UBN1: variants seen among roughly 807,000 people sequenced by gnomAD.
The protein encoded by UBN1 is ubinuclein-1.
UBN1 carries 17 observed loss-of-function variants against 108.5 expected under a neutral mutation model. The ratio of observed to expected loss-of-function variants is 0.16; its 90% CI spans 0.11 to 0.24. The LOEUF (loss-of-function observed/expected upper bound fraction) is 0.24. UBN1 is among the 10% of genes least tolerant of loss of function. The probability of loss-of-function intolerance (pLI) is 1.00; values close to 1 mark genes in which losing one functional copy is unlikely to be tolerated. For missense variants in UBN1, 1,595 were observed against 1,394.4 expected (o/e 1.14, Z -2.29); for synonymous variants, 726 against 564.2 (o/e 1.29, Z -4.07).
chr16:4,848,400 T>A (rs1464457250), intron 1 of UBN1, 190 bp downstream of exon 1: 1 of 152,296 alleles, frequency 6.6e-6, no homozygotes, highest in African/African-American at 2.4e-5. Context: ...CCAGGTAGAA[T>A]CACAATTTTG....
chr16:4,877,413 G>C lies in UBN1; in HGVS notation c.3294G>C (p.Pro1098=), dbSNP rs139134793. The part of the protein sequence containing the change: ...HSLLAGLHSS[P]PHAAPLPHAA... ...TTCTGGCTGGCTTGCACTCCAGCCC[G>C]CCCCATGCAGCGCCTCTCCCACACG... Residue 1098 remains proline, a synonymous_variant, in exon 17 of 18, where the codon CCG becomes CCC. Coordinates refer to ENST00000262376, the MANE Select transcript of UBN1 (RefSeq NM_001079514.3). The surrounding 1 kb of genome is among the most constrained non-coding windows in gnomAD (Gnocchi z 4.3). 7 of 1,612,160 alleles carry C rather than the reference G, an allele frequency of 4.3e-6. No individual in the cohort carries two copies. The South Asian group carries it at 7.7e-5, about 18-fold the overall frequency.
At position 4,877,235 on chromosome 16, in the gene UBN1, G is replaced by A. The variant is rs2087925738; in HGVS notation, c.3265+124G>A. 6.6e-7 allele frequency: 1 copy of A among 1,514,818 alleles called. No individual in the cohort carries two copies. Among genetic ancestry groups the A allele is most frequent in the East Asian group, 2.3e-5 (1 of 43,946 alleles). 93.8% of individuals were successfully genotyped at this position (1,514,818 alleles called of 1,614,324 possible). On this transcript the variant is annotated intron_variant, in intron 16 of 17. Coordinates refer to ENST00000262376, the MANE Select transcript of UBN1 (RefSeq NM_001079514.3). The surrounding 1 kb of genome is among the most constrained non-coding windows in gnomAD (Gnocchi z 4.3). The stretch of plus-strand genomic sequence containing the variant: ...GTGTGACTGTGGGGAACATCTCCGG[G>A]AACTGTGCCAAGCCCCCACTGCCCC...
At chr16:4,853,221 A>T in intron 2 of UBN1, 55 bp downstream of exon 2, 2 of 1,589,420 alleles carry the variant, frequency 1.3e-6, no homozygotes, top group East Asian at 4.5e-5. Context: ...GGGTCAGTGC[A>T]TGCATGTGGG....
chr16:4,873,506 C>T (rs2087737484), intron 14 of UBN1, among the ~76,000 whole-genome samples: 1 of 152,196 alleles, frequency 6.6e-6, no homozygotes, highest in Non-Finnish European at 1.5e-5. Flanking sequence ...AGAATAGACA[C>T]TGTGAAAATT....
chr16:4,849,211 A>C (rs2086396462), intron 1 of UBN1, among the ~76,000 whole-genome samples: 1 of 152,254 alleles, frequency 6.6e-6, no homozygotes, highest in Non-Finnish European at 1.5e-5. Flanking sequence ...CTATTAGATA[A>C]TAAGAATATA....
chr16:4,853,232 G>T (rs1386870243), intron 2 of UBN1, 66 bp downstream of exon 2: 4 of 1,565,640 alleles, frequency 2.6e-6, no homozygotes, highest in South Asian at 1.2e-5. Flanking sequence ...TGCATGTGGG[G>T]CTTCCGTAGC....
intron 7 of UBN1, among the ~76,000 whole-genome samples, chr16:4,863,924 A>G (rs188397255): frequency 6.6e-6 from 1 of 152,268 alleles, no homozygotes; most frequent in Non-Finnish European, 1.5e-5. Flanking sequence ...CTTAGAGGCT[A>G]TGTGTATCAC....
At chr16:4,864,075 CTTTTTTTT>C (rs796516323) in intron 7 of UBN1, among the ~76,000 whole-genome samples, 2 of 86,430 alleles carry the variant, frequency 2.3e-5, no homozygotes, top group Admixed American at 1.5e-4. Flanking sequence ...TTGTTGTTGC[CTTTTTTTT>C]TTTTTTTTTT....
chr16:4,877,275 C>G lies in UBN1; in HGVS notation c.3266-110C>G, dbSNP rs1242810200. ...CCCACTGCCCCTTTGGGTGTGGTGC[C>G]CAGACTGGCCTGGCAGGTTATCGGG... On this transcript the variant is annotated intron_variant, in intron 16 of 17. Transcript: ENST00000262376. This position sits in a 1 kb window ranked among gnomAD's most constrained non-coding sequence, Gnocchi z 4.3. The G allele has an allele frequency of 7.9e-6, 12 of 1,522,600 alleles. No individual in the cohort carries two copies. The highest frequency in any genetic ancestry group is 1.4e-5 in the African/African-American group (1 of 72,630). 94.3% of individuals were successfully genotyped at this position (1,522,600 alleles called of 1,614,324 possible). A position where few individuals can be genotyped will look rare whatever the true frequency, so the allele number is the denominator to read the frequency against.
chr16:4,872,863 C>A, intron 12 of UBN1, 21 bp from the exon 13 acceptor site: 1 of 1,614,164 alleles, frequency 6.2e-7, no homozygotes, highest in South Asian at 1.1e-5. Flanking sequence ...GTACAGATGC[C>A]TGGTGTTCTG....
At chr16:4,868,763 G>C (rs2087460013) in intron 7 of UBN1, 70 bp from the exon 8 acceptor site, 25 of 1,497,818 alleles carry the variant, frequency 1.7e-5, no homozygotes, top group Non-Finnish European at 2.1e-5. Flanking sequence ...TGACTCCTGT[G>C]CCTGTGGGTG....
Position 4,871,142 on chromosome 16 carries a change from G to T in UBN1, c.1560-13G>T. The T allele has an allele frequency of 6.2e-7, 1 of 1,613,532 alleles. No homozygotes were observed. Among genetic ancestry groups the T allele is most frequent in the South Asian group, 1.1e-5 (1 of 91,016 alleles). ...AAGTAGTTTGGAGTTTCTGATTTCT[G>T]CCTCCTTCTCAGGGAGCTACTGTGC... On this transcript the variant is annotated splice_polypyrimidine_tract_variant and intron_variant, in intron 11 of 17. Transcript: ENST00000262376.
At chr16:4,857,496 C>G (rs1382594144) in intron 2 of UBN1, among the ~76,000 whole-genome samples, 1 of 151,768 alleles carries the variant, frequency 6.6e-6, no homozygotes, top group Non-Finnish European at 1.5e-5. Context: ...TTTGGTAGCA[C>G]CGAGAGAAGT....
rs2087030664 is a variant in UBN1, at chr16:4,860,962, C to A, written c.970C>A (p.Pro324Thr). ...LDLEHLLSES[P>T]EGSPFRDMDD... ...CTTGGAGCATCTGCTCAGTGAGTCT[C>A]CAGAAGGAAGTCCCTTCCGAGATAT... Residue 324 changes from proline (P) to threonine (T), a missense_variant, in exon 7 of 18, where the codon CCA (proline) becomes ACA (threonine). Pro to Thr is a conservative substitution (Grantham distance 38, BLOSUM62 -1). Transcript: ENST00000262376. 32 of 1,614,108 alleles carry A rather than the reference C, an allele frequency of 2.0e-5. No homozygotes were observed. Among genetic ancestry groups the A allele is most frequent in the Non-Finnish European group, 2.5e-5 (30 of 1,180,056 alleles).
chr16:4,877,283 G>A lies in UBN1; in HGVS notation c.3266-102G>A. 2.6e-6 allele frequency: 4 copies of A among 1,530,490 alleles called. No individual in the cohort carries two copies. The highest frequency in any genetic ancestry group is 3.5e-6 in the Non-Finnish European group (4 of 1,133,946). 94.8% of individuals were successfully genotyped at this position (1,530,490 alleles called of 1,614,324 possible). On this transcript the variant is annotated intron_variant, in intron 16 of 17. Coordinates refer to ENST00000262376, the MANE Select transcript of UBN1 (RefSeq NM_001079514.3). This position sits in a 1 kb window ranked among gnomAD's most constrained non-coding sequence, Gnocchi z 4.3. ...CCCTTTGGGTGTGGTGCCCAGACTGGCCTGGCAGGTTATCGGGGGCTTTTG... is the reference window on the plus strand; with the variant it reads ...CCCTTTGGGTGTGGTGCCCAGACTGACCTGGCAGGTTATCGGGGGCTTTTG...
At chr16:4,868,507 G>A (rs990832045) in intron 7 of UBN1, among the ~76,000 whole-genome samples, 1 of 152,226 alleles carries the variant, frequency 6.6e-6, no homozygotes, top group African/African-American at 2.4e-5. Context: ...TAATGGTGTA[G>A]TTGATGGTGT....
At chr16:4,865,634 C>T (rs1456706511) in intron 7 of UBN1, among the ~76,000 whole-genome samples, 2 of 152,096 alleles carry the variant, frequency 1.3e-5, no homozygotes, top group African/African-American at 2.4e-5. Flanking sequence ...CACGTCACTG[C>T]ACTCCAGAAT....
chr16:4,854,397 GC>G (rs2086699260), intron 2 of UBN1, among the ~76,000 whole-genome samples: 1 of 150,872 alleles, frequency 6.6e-6, no homozygotes, highest in Non-Finnish European at 1.5e-5. Flanking sequence ...AGGCTGGAGT[GC>G]GGTGATGCAA....
chr16:4,852,727 G>A, intron 1 of UBN1, 152 bp from the exon 2 acceptor site: 1 of 807,254 alleles, frequency 1.2e-6, no homozygotes, highest in Middle Eastern at 3.9e-4. Flanking sequence ...AAAATTTTAG[G>A]ATGAATAAGC....
Sources: gnomAD v4.1 joint callset for allele counts (sites outside exome capture counted in the v4.1 genomes callset) on GRCh38, gnomAD v4.1.1 for gene constraint, Gnocchi (gnomAD v3.1) non-coding constraint, MANE v1.5 for transcripts, NCBI Gene and HGNC (gene_info 2026-07-23, HGNC 2026-07-21) for gene names.